The following IKZF3 variants were observed in gnomAD, a reference collection of about 807,000 sequenced individuals.
The protein encoded by IKZF3 is zinc finger protein Aiolos.
IKZF3 carries 10 observed loss-of-function variants against 49.0 expected under a neutral mutation model. That is an observed-to-expected ratio of 0.20 (90% CI 0.13 to 0.35). The LOEUF (loss-of-function observed/expected upper bound fraction) is 0.35. Among genes scored for constraint, IKZF3 ranks in the 10% least tolerant of loss-of-function variants. IKZF3 has a pLI of 1.00. For missense variants in IKZF3, 498 were observed against 664.8 expected (o/e 0.75, Z 2.76); for synonymous variants, 209 against 228.2 (o/e 0.92, Z 0.76).
Position 39,824,819 on chromosome 17 carries a change from C to T in IKZF3, c.163+4568G>A, listed in dbSNP as rs149866323. ...CACGCAATTCTCCTGCCTCAGCCTC[C>T]CAAGTAGCTGGGACTACAGGTGCCC... On this transcript the variant is annotated intron_variant, in intron 3 of 7. Coordinates refer to ENST00000346872, the MANE Select transcript of IKZF3 (RefSeq NM_012481.5). Among the ~76,000 whole-genome samples, 739 of 152,204 alleles carry T rather than the reference C, an allele frequency of 4.9e-3. 7 individuals carry two copies. The highest frequency in any genetic ancestry group is 0.017 in the African/African-American group (718 of 41,528).
At chr17:39,811,433 A>AAAGG (rs568707769) in intron 3 of IKZF3, among the ~76,000 whole-genome samples, 2 of 151,574 alleles carry the variant, frequency 1.3e-5, no homozygotes, top group African/African-American at 2.4e-5. Flanking sequence ...GGAAGGAAGG[A>AAAGG]AAGGAAGGAA....
intron 1 of IKZF3, among the ~76,000 whole-genome samples, chr17:39,837,764 G>A (rs889781745): frequency 2.6e-5 from 4 of 151,008 alleles, no homozygotes; most frequent in African/African-American, 4.9e-5. Context: ...TCAGCCTCCC[G>A]AGTAGCTGGG....
At chr17:39,809,429 T>C (rs1014867183) in intron 3 of IKZF3, among the ~76,000 whole-genome samples, 1 of 152,254 alleles carries the variant, frequency 6.6e-6, no homozygotes, top group African/African-American at 2.4e-5. Context: ...TTGAAGGTTA[T>C]ACACCAAGGG....
intron 2 of IKZF3, among the ~76,000 whole-genome samples, chr17:39,830,318 T>G (rs2062076016): frequency 1.3e-5 from 2 of 152,200 alleles, no homozygotes; most frequent in African/African-American, 4.8e-5. Context: ...TGTTTGAACA[T>G]TTACTGAATG....
chr17:39,791,664 A>G, intron 4 of IKZF3, 81 bp from the exon 5 acceptor site: 1 of 1,406,980 alleles, frequency 7.1e-7, no homozygotes. Context: ...CTAGGGGAAA[A>G]GCTCATCTTT....
intron 3 of IKZF3, among the ~76,000 whole-genome samples, chr17:39,810,873 T>A (rs1416379768): frequency 6.6e-6 from 1 of 152,196 alleles, no homozygotes; most frequent in African/African-American, 2.4e-5. Context: ...ATTATCTAAT[T>A]GATCCTTTGT....
At chr17:39,861,730 C>T (rs111232782) in intron 1 of IKZF3, among the ~76,000 whole-genome samples, 1 of 152,058 alleles carries the variant, frequency 6.6e-6, no homozygotes, top group South Asian at 2.1e-4. Flanking sequence ...AAGAAGGAGA[C>T]AAAAATTGTA....
At chr17:39,857,391 T>C (rs2063091740) in intron 1 of IKZF3, among the ~76,000 whole-genome samples, 1 of 152,248 alleles carries the variant, frequency 6.6e-6, no homozygotes, top group South Asian at 2.1e-4. Flanking sequence ...GTTGCTGTGA[T>C]AGAGTATTCA....
intron 3 of IKZF3, among the ~76,000 whole-genome samples, chr17:39,797,488 T>TCTCGGCTCACTGCAAC (rs2061199437): frequency 6.6e-6 from 1 of 151,320 alleles, no homozygotes; most frequent in Non-Finnish European, 1.5e-5. Context: ...AGTGGTGCGA[T>TCTCGGCTCACTGCAAC]CTCGGCTCAC....
intron 1 of IKZF3, among the ~76,000 whole-genome samples, chr17:39,837,367 T>C (rs185935515): frequency 8.7e-4 from 133 of 152,300 alleles, no homozygotes; most frequent in African/African-American, 3.0e-3. Flanking sequence ...TTTGCAAATG[T>C]CTTTACTTTG....
In IKZF3 at chr17:39,766,233, T is replaced by C. The variant is rs754425494; in HGVS notation, c.1087A>G (p.Ser363Gly). The part of the protein sequence containing the change: ...NGAPQELEKK[S>G]IHLPEKSVPS... Reference sequence around the variant, plus strand: ...ACGCTCTTCTCTGGAAGGTGGATGCTTTTCTTTTCCAGCTCTTGAGGGGCA... The same window carrying C: ...ACGCTCTTCTCTGGAAGGTGGATGCCTTTCTTTTCCAGCTCTTGAGGGGCA... Residue 363 changes from serine to glycine, a missense_variant, in exon 8 of 8, where the codon AGC (serine) becomes GGC (glycine). Physicochemically the swap from Ser to Gly is moderately conservative, Grantham distance 56 (BLOSUM62 0). Coordinates refer to ENST00000346872, the MANE Select transcript of IKZF3 (RefSeq NM_012481.5). The C allele has an allele frequency of 5.6e-6, 9 of 1,614,050 alleles. No individual in the cohort carries two copies. The East Asian group carries it at 2.0e-4, about 36-fold the overall frequency.
At chr17:39,823,018 T>A (rs533175836) in intron 3 of IKZF3, among the ~76,000 whole-genome samples, 2 of 152,014 alleles carry the variant, frequency 1.3e-5, no homozygotes, top group African/African-American at 4.8e-5. Flanking sequence ...TTGGAACAGT[T>A]TGGAGGGCTC....
chr17:39,838,697 TTTCTC>T (rs528979165), intron 1 of IKZF3, among the ~76,000 whole-genome samples: 322 of 152,322 alleles, frequency 2.1e-3, no homozygotes, highest in Middle Eastern at 3.4e-3. Context: ...TTGATTTCCT[TTTCTC>T]TTGAGTATGG....
At chr17:39,810,734 A>G (rs567668101) in intron 3 of IKZF3, among the ~76,000 whole-genome samples, 2 of 152,190 alleles carry the variant, frequency 1.3e-5, no homozygotes, top group Non-Finnish European at 2.9e-5. Context: ...CATACAATTG[A>G]GTAAAACAAT....
At chr17:39,833,724 T>C (rs2062182405) in intron 1 of IKZF3, among the ~76,000 whole-genome samples, 1 of 152,202 alleles carries the variant, frequency 6.6e-6, no homozygotes, top group Non-Finnish European at 1.5e-5. Context: ...ACTACTATGA[T>C]ATTCCTTTTT....
chr17:39,791,743 T>C lies in IKZF3; in HGVS notation c.425-160A>G, dbSNP rs2061027323. Among the ~76,000 whole-genome samples, 4 of 152,298 alleles carry C rather than the reference T, an allele frequency of 2.6e-5. No individual in the cohort carries two copies. The South Asian group carries it at 6.2e-4, about 24-fold the overall frequency. On this transcript the variant is annotated intron_variant, in intron 4 of 7. Coordinates refer to ENST00000346872, the MANE Select transcript of IKZF3 (RefSeq NM_012481.5). ...TCAAGGCAAGCCTAAGACTTACTTATGAAATCTCCTCTGTAGAAGAGAAAA... is the reference window on the plus strand; with the variant it reads ...TCAAGGCAAGCCTAAGACTTACTTACGAAATCTCCTCTGTAGAAGAGAAAA...
intron 1 of IKZF3, among the ~76,000 whole-genome samples, chr17:39,845,004 T>C (rs2062588522): frequency 6.6e-6 from 1 of 152,214 alleles, no homozygotes; most frequent in Non-Finnish European, 1.5e-5. Context: ...TGTCTGCTCA[T>C]GATGGACACT....
In IKZF3 at chr17:39,829,389, C is replaced by T. The variant is rs765677624; in HGVS notation, c.161G>A (p.Gly54Glu). ...EGPANEDEDI[G>E]DDSMKVKDEY... ...TTAGTCTGCACACTACGGCTCACCT[C>T]CTATGTCTTCATCTTCATTGGCTGG... The change falls in exon 3 of 8, where the codon GGA (glycine) becomes GAA (glutamate). Residue 54 changes from glycine to glutamate, a missense_variant and splice_region_variant. By Grantham distance (98) the Gly-to-Glu change is moderately conservative. Around this residue, in one of 3 missense-constraint regions of IKZF3, gnomAD observed 97 missense variants for 98.9 expected, o/e 0.98. Coordinates refer to ENST00000346872, the MANE Select transcript of IKZF3 (RefSeq NM_012481.5). 2 of 1,610,018 alleles carry T rather than the reference C, an allele frequency of 1.2e-6. No individual in the cohort carries two copies. The highest frequency in any genetic ancestry group is 1.7e-6 in the Non-Finnish European group (2 of 1,176,280).
At chr17:39,843,390 C>G (rs370619898) in intron 1 of IKZF3, among the ~76,000 whole-genome samples, 3 of 151,602 alleles carry the variant, frequency 2.0e-5, no homozygotes, top group African/African-American at 7.3e-5. Flanking sequence ...TTTAAAAACG[C>G]TAACTATGAA....
Sources: allele counts gnomAD v4.1 joint callset (sites outside exome capture counted in the v4.1 genomes callset), GRCh38; gene constraint gnomAD v4.1.1; regional missense constraint gnomAD v4.1.1; transcripts MANE v1.5; gene names NCBI Gene and HGNC (gene_info 2026-07-23, HGNC 2026-07-21).